The following FAM227B variants were observed in gnomAD, a reference collection of about 807,000 sequenced individuals.
FAM227B encodes protein FAM227B.
A neutral mutation model predicts 73.8 loss-of-function variants in FAM227B; 88 were observed. The ratio of observed to expected loss-of-function variants is 1.19; its 90% CI spans 1.00 to 1.42. FAM227B has a LOEUF of 1.42. Ranked by LOEUF, FAM227B falls within the 40% of genes most tolerant of loss-of-function variation. The probability of loss-of-function intolerance (pLI) is 0.00; values close to 1 mark genes in which losing one functional copy is unlikely to be tolerated. For synonymous variants in FAM227B, 210 were observed against 190.5 expected, an observed-to-expected ratio of 1.10 and a Z score of -0.84; for missense variants, 632 against 590.9, an observed-to-expected ratio of 1.07 and a Z score of -0.72.
At chr15:49,544,268 G>A (rs2071500302) in intron 9 of FAM227B, among the ~76,000 whole-genome samples, 1 of 151,950 alleles carries the variant, frequency 6.6e-6, no homozygotes, top group Non-Finnish European at 1.5e-5. Flanking sequence ...ATTTGCAGCT[G>A]TTGTAAAACG....
intron 10 of FAM227B, among the ~76,000 whole-genome samples, chr15:49,522,726 T>C (rs1263908299): frequency 6.6e-6 from 1 of 151,982 alleles, no homozygotes; most frequent in Admixed American, 6.5e-5. Context: ...AACTCAGTCA[T>C]ACAAAAATTA....
At chr15:49,566,402 G>A (rs2074662725) in intron 9 of FAM227B, among the ~76,000 whole-genome samples, 1 of 152,168 alleles carries the variant, frequency 6.6e-6, no homozygotes, top group Admixed American at 6.5e-5. Context: ...GCCTTCAGGA[G>A]ATGAAGGAGA....
intron 11 of FAM227B, chr15:49,425,219 T>C (rs1259091526): frequency 6.6e-6 from 1 of 151,980 alleles, no homozygotes; most frequent in Non-Finnish European, 1.5e-5. Flanking sequence ...AAATCTTTTA[T>C]GTCATAAAAG....
chr15:49,464,063 C>G (rs1328680608), intron 11 of FAM227B, among the ~76,000 whole-genome samples: 5 of 152,036 alleles, frequency 3.3e-5, no homozygotes, highest in African/African-American at 1.2e-4. Context: ...CCCCAAACAC[C>G]TGCTGTATGG....
intron 11 of FAM227B, among the ~76,000 whole-genome samples, chr15:49,381,039 C>G (rs2046498810): frequency 6.6e-6 from 1 of 152,168 alleles, no homozygotes; most frequent in Non-Finnish European, 1.5e-5. Context: ...CATGTGTCAT[C>G]TGGTGAGAAA....
At chr15:49,504,666 A>G (rs967416329) in intron 11 of FAM227B, among the ~76,000 whole-genome samples, 2 of 152,024 alleles carry the variant, frequency 1.3e-5, no homozygotes, top group African/African-American at 4.8e-5. Flanking sequence ...TTCTTTCACC[A>G]TGTGATGTGC....
intron 11 of FAM227B, among the ~76,000 whole-genome samples, chr15:49,403,800 G>A (rs1596951640): frequency 6.6e-6 from 1 of 151,894 alleles, no homozygotes; most frequent in South Asian, 2.1e-4. Context: ...TTTTCTGCTA[G>A]CTTTGGGGTT....
chr15:49,443,031 G>A (rs2051820422), intron 11 of FAM227B, among the ~76,000 whole-genome samples: 1 of 151,700 alleles, frequency 6.6e-6, no homozygotes, highest in Non-Finnish European at 1.5e-5. Context: ...CACATATTAA[G>A]TGTTTGAAAA....
chr15:49,485,187 C>T (rs2056303764), intron 11 of FAM227B: 1 of 152,152 alleles, frequency 6.6e-6, no homozygotes, highest in Non-Finnish European at 1.5e-5. Flanking sequence ...AGGATGTTTC[C>T]AAAAATCTTG....
intron 11 of FAM227B, among the ~76,000 whole-genome samples, chr15:49,397,281 A>C (rs2047752583): frequency 1.3e-5 from 2 of 152,176 alleles, no homozygotes; most frequent in Admixed American, 1.3e-4. Context: ...ATGAAGCAAG[A>C]AGGGAAGTTT....
At chr15:49,365,886 T>A in intron 13 of FAM227B, 2 of 963,942 alleles carry the variant, frequency 2.1e-6, no homozygotes, top group Non-Finnish European at 3.4e-6. Context: ...TATGAATTAG[T>A]GCAGCAAGAG....
intron 3 of FAM227B, chr15:49,606,118 C>T (rs1249740363): frequency 6.6e-6 from 1 of 152,208 alleles, no homozygotes; most frequent in Admixed American, 6.5e-5. Context: ...TGTGCCACGC[C>T]TAGGACTCCC....
chr15:49,483,304 A>C (rs778536783), intron 11 of FAM227B: 13 of 886,288 alleles, frequency 1.5e-5, no homozygotes, highest in Non-Finnish European at 2.0e-5. Flanking sequence ...CATTTTTGTC[A>C]AAATATCTCA....
chr15:49,541,788 C>T lies in FAM227B; in HGVS notation c.766G>A (p.Ala256Thr). 1 of 1,498,424 alleles carries T rather than the reference C, an allele frequency of 6.7e-7. No individual in the cohort carries two copies. The highest frequency in any genetic ancestry group is 1.8e-4 in the Middle Eastern group (1 of 5,644). 92.8% of individuals were successfully genotyped at this position (1,498,424 alleles called of 1,614,324 possible). A position where few individuals can be genotyped will look rare whatever the true frequency, so the allele number is the denominator to read the frequency against. Reference sequence around the variant, plus strand: ...TGGAACGTTGCATATATGGCTTGTGCCAAACAATCAGGATATATCTACCAA... The same window carrying T: ...TGGAACGTTGCATATATGGCTTGTGTCAAACAATCAGGATATATCTACCAA... ...AFFQIYPDCLAQAIYATFHEA... is the reference protein window; with the variant it reads ...AFFQIYPDCLTQAIYATFHEA... The change falls in exon 10 of 16, where the codon GCA becomes ACA. Residue 256 changes from alanine (A) to threonine (T), a missense_variant. Ala to Thr is a moderately conservative substitution (Grantham distance 58). Coordinates refer to ENST00000299338, the MANE Select transcript of FAM227B (RefSeq NM_152647.3).
intron 8 of FAM227B, among the ~76,000 whole-genome samples, chr15:49,571,696 T>C (rs902411751): frequency 2.0e-5 from 3 of 151,980 alleles, no homozygotes; most frequent in Non-Finnish European, 4.4e-5. Flanking sequence ...TTCTGTTCTA[T>C]GCGTATATGT....
chr15:49,519,683 C>T (rs2059643025), intron 10 of FAM227B, among the ~76,000 whole-genome samples: 1 of 152,150 alleles, frequency 6.6e-6, no homozygotes, highest in Non-Finnish European at 1.5e-5. Context: ...AGCAGCAAGG[C>T]CCTGGACCCA....
intron 8 of FAM227B, among the ~76,000 whole-genome samples, chr15:49,570,349 T>G (rs2075002780): frequency 6.6e-6 from 1 of 151,904 alleles, no homozygotes. Flanking sequence ...ATCAAACAGT[T>G]GTGTGAGATG....
chr15:49,608,840 C>G (rs1033615988), intron 3 of FAM227B, among the ~76,000 whole-genome samples: 2 of 151,158 alleles, frequency 1.3e-5, no homozygotes, highest in Admixed American at 6.6e-5. Flanking sequence ...GTTGCATGGA[C>G]ACAGAAAAAA....
chr15:49,453,554 T>C (rs531343372), intron 11 of FAM227B, among the ~76,000 whole-genome samples: 1 of 152,328 alleles, frequency 6.6e-6, no homozygotes, highest in East Asian at 1.9e-4. Context: ...ATGGCTCTTA[T>C]GCAGGACAGT....
Sources: gnomAD v4.1 joint callset for allele counts (sites outside exome capture counted in the v4.1 genomes callset) on GRCh38, gnomAD v4.1.1 for gene constraint, MANE v1.5 for transcripts, NCBI Gene and HGNC (gene_info 2026-07-23, HGNC 2026-07-21) for gene names.